SLC22A14: variants seen among roughly 807,000 people sequenced by gnomAD.
SLC22A14 encodes the protein solute carrier family 22 member 14.
In SLC22A14, 50 loss-of-function variants were observed where a neutral mutation model predicts 53.9. The ratio of observed to expected loss-of-function variants is 0.93; its 90% confidence interval spans 0.74 to 1.17. SLC22A14 has a LOEUF of 1.17. Ranked by LOEUF, SLC22A14 falls within the 50% of genes most tolerant of loss-of-function variation. The pLI is 0.00. For synonymous variants in SLC22A14, 312 were observed against 303.0 expected (o/e 1.03, Z -0.31); for missense variants, 671 against 734.7 (o/e 0.91, Z 1.00).
chr3:38,284,963 T>C (rs1198397901), intron 1 of SLC22A14, among the ~76,000 whole-genome samples: 2 of 152,172 alleles, frequency 1.3e-5, no homozygotes, highest in Non-Finnish European at 2.9e-5. Flanking sequence ...ACAATCCTAC[T>C]TCTTGGACCT....
At chr3:38,305,201 A>C (rs1328384854) in intron 1 of SLC22A14, 1 of 151,204 alleles carries the variant, frequency 6.6e-6, no homozygotes, top group Admixed American at 6.6e-5. Flanking sequence ...CAACATCTGC[A>C]GTCTAAAAGT....
intron 1 of SLC22A14, among the ~76,000 whole-genome samples, chr3:38,284,840 A>T (rs1404377089): frequency 2.0e-5 from 3 of 152,104 alleles, no homozygotes. Flanking sequence ...TATAAGACCC[A>T]ATGCTGCTGG....
chr3:38,312,389 G>C (rs1054779910), intron 5 of SLC22A14, among the ~76,000 whole-genome samples: 2 of 152,196 alleles, frequency 1.3e-5, no homozygotes, highest in African/African-American at 4.8e-5. Flanking sequence ...AATCTGTGTG[G>C]ATTCTGACAG....
At chr3:38,314,130 C>T (rs1704561793) in intron 8 of SLC22A14, among the ~76,000 whole-genome samples, 189 bp downstream of exon 8, 1 of 152,076 alleles carries the variant, frequency 6.6e-6, no homozygotes, top group African/African-American at 2.4e-5. Flanking sequence ...TGGGTGGGGT[C>T]CCCCAGACAG....
At position 38,306,325 on chromosome 3, in the gene SLC22A14, C is replaced by G; in HGVS notation, c.299C>G (p.Thr100Ser). ...ACAGCCCAGAAGCCCTATTGCAATA[C>G]CAGCTGGATCCTGGCAGTGGGCCCC... ...VFTAQKPYCN[T>S]SWILAVGPHL... Residue 100 changes from threonine (T) to serine (S), a missense_variant, in exon 2 of 11, where the codon ACC becomes AGC. By Grantham distance (58) the Thr-to-Ser change is moderately conservative. Transcript: ENST00000448498. 6.2e-7 allele frequency: 1 copy of G among 1,614,150 alleles called. No individual in the cohort carries two copies. The highest frequency in any genetic ancestry group is 8.5e-7 in the Non-Finnish European group (1 of 1,180,008).
chr3:38,315,880 C>G (rs896166310), intron 9 of SLC22A14, among the ~76,000 whole-genome samples, 169 bp downstream of exon 9: 3 of 152,230 alleles, frequency 2.0e-5, no homozygotes, highest in African/African-American at 7.2e-5. Context: ...CAAATGCCAT[C>G]ACTAACCCTA....
chr3:38,290,111 G>T (rs7630884), intron 1 of SLC22A14, among the ~76,000 whole-genome samples: 1 of 151,996 alleles, frequency 6.6e-6, no homozygotes, highest in African/African-American at 2.4e-5. Context: ...AGGTGGATAT[G>T]GTCACCTTCC....
chr3:38,289,299 G>A (rs1427538352), intron 1 of SLC22A14, among the ~76,000 whole-genome samples: 1 of 151,206 alleles, frequency 6.6e-6, no homozygotes, highest in Non-Finnish European at 1.5e-5. Flanking sequence ...AATTAACACT[G>A]ACATGATACT....
intron 1 of SLC22A14, among the ~76,000 whole-genome samples, chr3:38,292,066 C>A (rs188447698): frequency 1.3e-5 from 2 of 152,296 alleles, no homozygotes; most frequent in Middle Eastern, 3.4e-3. Flanking sequence ...GGTTTGGAAA[C>A]CTTGTAGCCA....
At chr3:38,290,068 G>A (rs928318967) in intron 1 of SLC22A14, among the ~76,000 whole-genome samples, 45 of 152,084 alleles carry the variant, frequency 3.0e-4, no homozygotes, top group African/African-American at 7.0e-4. Flanking sequence ...CTGATTAGTC[G>A]GGTGTGAGCT....
At chr3:38,292,952 C>T (rs1464905866) in intron 1 of SLC22A14, among the ~76,000 whole-genome samples, 1 of 152,176 alleles carries the variant, frequency 6.6e-6, no homozygotes, top group Non-Finnish European at 1.5e-5. Context: ...AGTGACAGAT[C>T]TGGAGGACAG....
chr3:38,302,191 A>G (rs1294528795), intron 1 of SLC22A14, among the ~76,000 whole-genome samples: 2 of 148,956 alleles, frequency 1.3e-5, no homozygotes, highest in Non-Finnish European at 3.0e-5. Context: ...CTGAGATGGC[A>G]TCACTGCACT....
At chr3:38,312,783 A>G (rs543350225) in intron 5 of SLC22A14, among the ~76,000 whole-genome samples, 92 of 152,300 alleles carry the variant, frequency 6.0e-4, no homozygotes, top group African/African-American at 2.2e-3. Context: ...GGTGTTACCT[A>G]GCAGCAGTGG....
chr3:38,290,235 C>T (rs538449753), intron 1 of SLC22A14, among the ~76,000 whole-genome samples: 3 of 152,324 alleles, frequency 2.0e-5, no homozygotes, highest in African/African-American at 7.2e-5. Context: ...CCAATGACTG[C>T]TCTAACTGCT....
chr3:38,291,364 A>G (rs1703910261), intron 1 of SLC22A14, among the ~76,000 whole-genome samples: 1 of 152,210 alleles, frequency 6.6e-6, no homozygotes, highest in South Asian at 2.1e-4. Flanking sequence ...TGTCTGGAAG[A>G]ACTGTGGCTG....
intron 1 of SLC22A14, among the ~76,000 whole-genome samples, chr3:38,283,874 G>A (rs1045567132): frequency 4.6e-5 from 7 of 152,252 alleles, no homozygotes; most frequent in African/African-American, 1.4e-4. Flanking sequence ...AAACAGAGCA[G>A]ACTCTCAGTC....
intron 8 of SLC22A14, among the ~76,000 whole-genome samples, chr3:38,315,161 A>G (rs1474187967): frequency 1.3e-5 from 2 of 152,262 alleles, no homozygotes; most frequent in East Asian, 3.8e-4. Flanking sequence ...CACCTTGCAG[A>G]GCCCCGGTGG....
At position 38,318,226 on chromosome 3, in the gene SLC22A14, G is replaced by A; in HGVS notation, c.1762G>A (p.Glu588Lys). 1 of 1,614,124 alleles carries A rather than the reference G, an allele frequency of 6.2e-7. No homozygotes were observed. Among genetic ancestry groups the A allele is most frequent in the Non-Finnish European group, 8.5e-7 (1 of 1,179,958 alleles). The change falls in exon 11 of 11, where the codon GAA (glutamate) becomes AAA (lysine). Residue 588 changes from glutamate (E) to lysine (K), a missense_variant. Physicochemically the swap from Glu to Lys is moderately conservative, Grantham distance 56 (BLOSUM62 1). Transcript: ENST00000448498. ...TAAGGTCAAGGACATGAAGACTAAGGAAACATCATCTGATGATGTCTGAGG... is the reference window on the plus strand; with the variant it reads ...TAAGGTCAAGGACATGAAGACTAAGAAAACATCATCTGATGATGTCTGAGG... ...RNKVKDMKTK[E>K]TSSDDV
chr3:38,313,705 C>T, intron 7 of SLC22A14, 22 bp from the exon 8 acceptor site: 1 of 1,532,634 alleles, frequency 6.5e-7, no homozygotes, highest in Non-Finnish European at 8.9e-7. Context: ...TGCACGCGCA[C>T]TTGCCTCCTG....
Sources: gnomAD v4.1 joint callset for allele counts (sites outside exome capture counted in the v4.1 genomes callset) on GRCh38, gnomAD v4.1.1 for gene constraint, MANE v1.5 for transcripts, NCBI Gene and HGNC (gene_info 2026-07-23, HGNC 2026-07-21) for gene names.